Variants in FAM193B observed in about 807,000 individuals in gnomAD.
FAM193B encodes the protein family with sequence similarity 193 member B, also known as protein FAM193B.
Under a neutral mutation model 70.7 loss-of-function variants are expected in FAM193B, and 27 were observed. The observed-to-expected ratio is 0.38, with a 90% CI of 0.28 to 0.53. The LOEUF (loss-of-function observed/expected upper bound fraction) is 0.53, where lower values mean the gene tolerates loss of function less well. Ranked by LOEUF, FAM193B falls within the 20% of genes least tolerant of loss-of-function variation. The probability of loss-of-function intolerance (pLI) is 0.81; values close to 1 mark genes in which losing one functional copy is unlikely to be tolerated. For synonymous variants in FAM193B, 448 were observed against 436.0 expected (o/e 1.03, Z -0.34); for missense variants, 1,022 against 1,072.5 (o/e 0.95, Z 0.66).
chr5:177,524,110 C>T, intron 6 of FAM193B, 75 bp downstream of exon 6: 1 of 1,610,182 alleles, frequency 6.2e-7, no homozygotes, highest in Non-Finnish European at 8.5e-7. Context: ...GCGCTGTCTA[C>T]ACACAAAGGC....
chr5:177,542,230 G>A (rs775777771), intron 1 of FAM193B, among the ~76,000 whole-genome samples: 6 of 152,232 alleles, frequency 3.9e-5, no homozygotes, highest in African/African-American at 1.4e-4. Flanking sequence ...GCACTGGGGC[G>A]CAGTGGAAAC....
chr5:177,539,184 G>A (rs1032799623), intron 1 of FAM193B, 37 bp from the exon 2 acceptor site: 1 of 1,510,720 alleles, frequency 6.6e-7, no homozygotes. Context: ...CCCAGGAGGG[G>A]AAAGGCTCTC....
chr5:177,538,188 G>A lies in FAM193B; in HGVS notation c.454-81C>T. 3 of 1,403,632 alleles carry A rather than the reference G, an allele frequency of 2.1e-6. No individual in the cohort carries two copies. Among genetic ancestry groups the A allele is most frequent in the East Asian group, 2.5e-5 (1 of 39,632 alleles). 86.9% of individuals were successfully genotyped at this position (1,403,632 alleles called of 1,614,324 possible). A position where few individuals can be genotyped will look rare whatever the true frequency, so the allele number is the denominator to read the frequency against. On this transcript the variant is annotated intron_variant, in intron 2 of 8. Transcript: ENST00000514747. This position sits in a 1 kb window ranked among gnomAD's most constrained non-coding sequence, Gnocchi z 4.1. ...CCTCTGCTGCCTCAGCTTTTCCTGA[G>A]GGAGCTCCTTCTCCTCCAGACCATG...
At position 177,539,118 on chromosome 5, in the gene FAM193B, C is replaced by T; in HGVS notation, c.240G>A (p.Gln80=). The part of the protein sequence containing the change: ...QVPPASSQPV[Q]TCCLLCHRER... ...CCCGGTGACACAGCAGGCAGCAAGT[C>T]TGCACAGGCTGGCTGGAGGCGGGGG... is the stretch of plus-strand genomic sequence containing the variant. The change falls in exon 2 of 9, where the codon CAG becomes CAA. Residue 80 remains glutamine, a synonymous_variant. Coordinates refer to ENST00000514747, the MANE Select transcript of FAM193B (RefSeq NM_001190946.3). The T allele has an allele frequency of 6.3e-7, 1 of 1,594,726 alleles. No homozygotes were observed. The highest frequency in any genetic ancestry group is 8.5e-7 in the Non-Finnish European group (1 of 1,169,984).
intron 4 of FAM193B, among the ~76,000 whole-genome samples, chr5:177,533,054 A>C (rs1327389482): frequency 6.6e-6 from 1 of 152,152 alleles, no homozygotes; most frequent in Non-Finnish European, 1.5e-5. Flanking sequence ...TAGCATAACA[A>C]CCCTGCACAC....
At chr5:177,546,828 TTC>T (rs1329796221) in intron 1 of FAM193B, among the ~76,000 whole-genome samples, 1 of 152,122 alleles carries the variant, frequency 6.6e-6, no homozygotes, top group Non-Finnish European at 1.5e-5. Flanking sequence ...CCCTAAAACT[TTC>T]TGTTTTAATA....
chr5:177,525,607 G>C (rs894138822), intron 5 of FAM193B: 1 of 167,410 alleles, frequency 6.0e-6, no homozygotes, highest in African/African-American at 2.4e-5. Flanking sequence ...ACAGGAGGCA[G>C]GTGTGGGGGT....
intron 4 of FAM193B, among the ~76,000 whole-genome samples, chr5:177,534,792 A>C (rs923428313): frequency 5.3e-5 from 8 of 151,962 alleles, no homozygotes; most frequent in African/African-American, 1.9e-4. Flanking sequence ...TAGTTTTTAA[A>C]TTTTTTGTAG....
Position 177,524,184 on chromosome 5 carries a change from C to T in FAM193B, c.2296+1G>A. 6.4e-7 allele frequency: 1 copy of T among 1,565,134 alleles called. No homozygotes were observed. The highest frequency in any genetic ancestry group is 1.2e-5 in the South Asian group (1 of 84,196). On this transcript the variant is annotated splice_donor_variant, in intron 6 of 8. Coordinates refer to ENST00000514747, the MANE Select transcript of FAM193B (RefSeq NM_001190946.3). LOFTEE classifies it high-confidence loss of function. ...AGCCGCTCAGTTCCTGGTGCACTCACCCAAGGAGGAGGCTGGCTTCTCCTG... is the reference window on the plus strand; with the variant it reads ...AGCCGCTCAGTTCCTGGTGCACTCATCCAAGGAGGAGGCTGGCTTCTCCTG...
rs1763665592 is a variant in FAM193B, at chr5:177,532,708, C to T, written c.1077-67G>A. ...GCAGAAACCCAGGAAGCATCCCAAC[C>T]ACCACCTGCCATCCTGACCGCCCTT... On this transcript the variant is annotated intron_variant, in intron 4 of 8. Coordinates refer to ENST00000514747, the MANE Select transcript of FAM193B (RefSeq NM_001190946.3). This position sits in a 1 kb window ranked among gnomAD's most constrained non-coding sequence, Gnocchi z 4.9. 6 of 1,393,510 alleles carry T rather than the reference C, an allele frequency of 4.3e-6. No homozygotes were observed. The East Asian group carries it at 1.3e-4, about 31-fold the overall frequency. 86.3% of individuals were successfully genotyped at this position (1,393,510 alleles called of 1,614,324 possible).
intron 1 of FAM193B, among the ~76,000 whole-genome samples, chr5:177,552,382 C>G (rs75088255): frequency 0.012 from 1,897 of 152,258 alleles, 41 homozygotes; most frequent in African/African-American, 0.044. Flanking sequence ...ATCAGCAGGT[C>G]AAGTAGTGGA....
intron 5 of FAM193B, among the ~76,000 whole-genome samples, chr5:177,528,978 G>GGTGA (rs1255032799): frequency 3.3e-5 from 5 of 152,210 alleles, no homozygotes; most frequent in South Asian, 2.1e-4. Flanking sequence ...ATTGAGTACT[G>GGTGA]GTGAGTGAGT....
intron 1 of FAM193B, among the ~76,000 whole-genome samples, chr5:177,552,543 T>C (rs1766408738): frequency 6.6e-6 from 1 of 152,252 alleles, no homozygotes; most frequent in African/African-American, 2.4e-5. Context: ...TGAAGTATTC[T>C]ATGGTCTGCT....
At chr5:177,551,962 A>C in intron 1 of FAM193B, 1 of 932,280 alleles carries the variant, frequency 1.1e-6, no homozygotes, top group Non-Finnish European at 1.3e-6. Context: ...GCATAACTAG[A>C]ACCGAATTTA....
At chr5:177,554,116 G>A in intron 1 of FAM193B, 133 bp downstream of exon 1, 4 of 1,401,740 alleles carry the variant, frequency 2.9e-6, no homozygotes, top group Non-Finnish European at 3.7e-6. Context: ...AGAAAGCTTC[G>A]GCGCCGGACC....
chr5:177,536,485 T>C lies in FAM193B; in HGVS notation c.949A>G (p.Met317Val). Reference protein sequence around the residue: ...CQSSHLPSTSMPLLKMPPPFS... With the variant: ...CQSSHLPSTSVPLLKMPPPFS... ...GGTGGGGGCATCTTCAGGAGCGGCA[T>C]GCTGGTGGAGGGTAGATGGGAGCTC... Residue 317 changes from methionine to valine, a missense_variant, in exon 4 of 9, where the codon ATG becomes GTG. Coordinates refer to ENST00000514747, the MANE Select transcript of FAM193B (RefSeq NM_001190946.3). 6.3e-7 allele frequency: 1 copy of C among 1,576,148 alleles called. No homozygotes were observed.
intron 1 of FAM193B, among the ~76,000 whole-genome samples, chr5:177,542,214 T>C (rs183663280): frequency 1.6e-4 from 24 of 152,388 alleles, no homozygotes; most frequent in Admixed American, 1.4e-3. Context: ...AAAGTACTTG[T>C]GGAAGGCACT....
intron 1 of FAM193B, among the ~76,000 whole-genome samples, chr5:177,546,433 C>T (rs1230351058): frequency 6.6e-6 from 1 of 152,230 alleles, no homozygotes; most frequent in Non-Finnish European, 1.5e-5. Context: ...CAGGCATTCA[C>T]TGAATAAATA....
intron 3 of FAM193B, among the ~76,000 whole-genome samples, chr5:177,537,142 C>T (rs1337288733): frequency 6.6e-6 from 1 of 152,192 alleles, no homozygotes; most frequent in Non-Finnish European, 1.5e-5. Context: ...ACCACAGCAG[C>T]AGGGCATGCC....
Sources: gnomAD v4.1 joint callset for allele counts (sites outside exome capture counted in the v4.1 genomes callset) on GRCh38, gnomAD v4.1.1 for gene constraint, Gnocchi (gnomAD v3.1) non-coding constraint, MANE v1.5 for transcripts, NCBI Gene and HGNC (gene_info 2026-07-23, HGNC 2026-07-21) for gene names.